Variants in LRRC4C observed in about 807,000 individuals in gnomAD.
The protein encoded by LRRC4C is leucine rich repeat containing 4C.
In LRRC4C, 5 loss-of-function variants were observed where a neutral mutation model predicts 33.6. That is an observed-to-expected ratio of 0.15 (90% CI 0.08 to 0.31). LRRC4C has a LOEUF of 0.31. Among genes scored for constraint, LRRC4C ranks in the 10% least tolerant of loss-of-function variants. LRRC4C has a pLI of 1.00. For missense variants in LRRC4C, 560 were observed against 796.7 expected (o/e 0.70, Z 3.58); for synonymous variants, 329 against 302.0 (o/e 1.09, Z -0.93).
intron 1 of LRRC4C, among the ~76,000 whole-genome samples, chr11:41,000,831 CAG>C (rs1437846914): frequency 1.3e-5 from 2 of 152,054 alleles, no homozygotes; most frequent in South Asian, 2.1e-4. Flanking sequence ...CTACTTTTGG[CAG>C]AGAGAAGATA....
chr11:40,250,611 G>T (rs1053200373), intron 4 of LRRC4C, among the ~76,000 whole-genome samples: 1 of 151,904 alleles, frequency 6.6e-6, no homozygotes, highest in African/African-American at 2.4e-5. Flanking sequence ...ATGGTGGCGG[G>T]CGCCTGTAAC....
At chr11:41,099,192 A>T (rs1941005376) in intron 1 of LRRC4C, among the ~76,000 whole-genome samples, 1 of 152,024 alleles carries the variant, frequency 6.6e-6, no homozygotes, top group Non-Finnish European at 1.5e-5. Flanking sequence ...ATCAATAAGA[A>T]ATAGCCTACC....
chr11:40,739,957 T>C (rs1948082287), intron 2 of LRRC4C, among the ~76,000 whole-genome samples: 1 of 151,884 alleles, frequency 6.6e-6, no homozygotes, highest in Non-Finnish European at 1.5e-5. Flanking sequence ...ATTATATATT[T>C]GTATAATATA....
intron 1 of LRRC4C, among the ~76,000 whole-genome samples, chr11:41,345,797 T>C (rs1951784865): frequency 6.6e-6 from 1 of 152,074 alleles, no homozygotes; most frequent in Non-Finnish European, 1.5e-5. Context: ...AAGTTTGCAC[T>C]CCAGGTAAAA....
At chr11:40,175,987 C>T (rs952277293) in intron 5 of LRRC4C, among the ~76,000 whole-genome samples, 1 of 152,098 alleles carries the variant, frequency 6.6e-6, no homozygotes, top group Admixed American at 6.6e-5. Flanking sequence ...TTCAGAGTCT[C>T]CCAAGTTCAT....
intron 2 of LRRC4C, among the ~76,000 whole-genome samples, chr11:40,859,862 G>A (rs1953989553): frequency 6.6e-6 from 1 of 152,080 alleles, no homozygotes; most frequent in Non-Finnish European, 1.5e-5. Context: ...GGATCGCGAG[G>A]TCAGGAGATC....
intron 1 of LRRC4C, among the ~76,000 whole-genome samples, chr11:40,955,062 A>T (rs940424397): frequency 6.6e-6 from 1 of 151,824 alleles, no homozygotes; most frequent in Admixed American, 6.6e-5. Context: ...CCTTTTTCAG[A>T]ACAAGGGCTT....
intron 1 of LRRC4C, among the ~76,000 whole-genome samples, chr11:41,263,670 A>T (rs1008807813): frequency 6.6e-6 from 1 of 152,122 alleles, no homozygotes; most frequent in African/African-American, 2.4e-5. Context: ...AGGGGAGAAG[A>T]CTGCTAGGGG....
At chr11:40,566,067 C>A (rs924432340) in intron 3 of LRRC4C, among the ~76,000 whole-genome samples, 5 of 136,926 alleles carry the variant, frequency 3.7e-5, no homozygotes, top group African/African-American at 1.4e-4. Flanking sequence ...AAATTAACTG[C>A]CTTTTCTATT....
intron 2 of LRRC4C, among the ~76,000 whole-genome samples, chr11:40,844,671 C>G (rs769970134): frequency 6.6e-6 from 1 of 152,112 alleles, no homozygotes; most frequent in Admixed American, 6.6e-5. Context: ...GTTTAGGAAT[C>G]ATTACTTTCT....
intron 1 of LRRC4C, among the ~76,000 whole-genome samples, chr11:40,990,740 G>C (rs1009048853): frequency 6.6e-6 from 1 of 152,152 alleles, no homozygotes; most frequent in African/African-American, 2.4e-5. Context: ...AGCAGTCTCT[G>C]TATTTCAAAT....
chr11:41,120,350 G>A (rs1942358520), intron 1 of LRRC4C, among the ~76,000 whole-genome samples: 1 of 152,064 alleles, frequency 6.6e-6, no homozygotes, highest in Non-Finnish European at 1.5e-5. Context: ...CATTGTGCAG[G>A]GTACTTTTTT....
intron 3 of LRRC4C, among the ~76,000 whole-genome samples, chr11:40,610,062 TCAGA>T (rs1961046154): frequency 6.6e-6 from 1 of 151,734 alleles, no homozygotes; most frequent in Admixed American, 6.6e-5. Flanking sequence ...ATTACCAAAG[TCAGA>T]CAAAGACACC....
chr11:40,899,606 T>G (rs1327713084), intron 2 of LRRC4C, among the ~76,000 whole-genome samples: 1 of 152,192 alleles, frequency 6.6e-6, no homozygotes, highest in African/African-American at 2.4e-5. Flanking sequence ...TATAAAACTG[T>G]GTCTTAATGA....
intron 2 of LRRC4C, among the ~76,000 whole-genome samples, chr11:40,800,636 G>C (rs1210272719): frequency 2.0e-5 from 3 of 152,100 alleles, no homozygotes; most frequent in Non-Finnish European, 4.4e-5. Flanking sequence ...TTAAGCTTTA[G>C]AGGCATTAGT....
chr11:40,768,638 C>A (rs971708601), intron 2 of LRRC4C, among the ~76,000 whole-genome samples: 7 of 152,086 alleles, frequency 4.6e-5, no homozygotes, highest in African/African-American at 1.7e-4. Context: ...GGATCATTCA[C>A]TATGACCAAG....
chr11:41,287,872 C>T (rs981336868), intron 1 of LRRC4C, among the ~76,000 whole-genome samples: 23 of 152,098 alleles, frequency 1.5e-4, no homozygotes, highest in African/African-American at 4.8e-4. Context: ...TTTTTGAATA[C>T]TTCTTATTAG....
chr11:40,907,751 C>T (rs989851721), intron 2 of LRRC4C, among the ~76,000 whole-genome samples: 2 of 152,176 alleles, frequency 1.3e-5, no homozygotes, highest in Admixed American at 6.5e-5. Context: ...GGCAACAGAG[C>T]TGCAATTTTT....
chr11:41,053,931 G>A (rs1205968991), intron 1 of LRRC4C, among the ~76,000 whole-genome samples: 1 of 152,132 alleles, frequency 6.6e-6, no homozygotes, highest in East Asian at 1.9e-4. Context: ...GAACACTTTA[G>A]TAATTCCAGT....
Sources: allele counts gnomAD v4.1 joint callset (sites outside exome capture counted in the v4.1 genomes callset), GRCh38; gene constraint gnomAD v4.1.1; transcripts MANE v1.5; gene names NCBI Gene and HGNC (gene_info 2026-07-23, HGNC 2026-07-21).